The following TYW1 variants were observed in gnomAD, a reference collection of about 807,000 sequenced individuals.
The protein encoded by TYW1 is S-adenosyl-L-methionine-dependent tRNA 4-demethylwyosine synthase TYW1.
TYW1 carries 46 observed loss-of-function variants against 96.2 expected under a neutral mutation model. The ratio of observed to expected loss-of-function variants is 0.48; its 90% CI spans 0.38 to 0.61. TYW1 has a LOEUF of 0.61. Among genes scored for constraint, TYW1 ranks in the 20% least tolerant of loss-of-function variants. The probability of loss-of-function intolerance (pLI) is 0.00; values close to 1 mark genes in which losing one functional copy is unlikely to be tolerated. For synonymous variants in TYW1, 274 were observed against 323.0 expected, an observed-to-expected ratio of 0.85 and a Z score of 1.63; for missense variants, 684 against 909.6, an observed-to-expected ratio of 0.75 and a Z score of 3.19.
chr7:66,999,015 G>C (rs1043507525), intron 3 of TYW1, 61 bp downstream of exon 3: 2 of 1,578,058 alleles, frequency 1.3e-6, no homozygotes, highest in Non-Finnish European at 1.7e-6. Flanking sequence ...AATCCCTTTA[G>C]CAGTGAACTT....
intron 13 of TYW1, among the ~76,000 whole-genome samples, chr7:67,176,551 G>C (rs1799674958): frequency 6.6e-6 from 1 of 152,118 alleles, no homozygotes; most frequent in African/African-American, 2.4e-5. Flanking sequence ...TGATAATTTT[G>C]AGGATATGTT....
chr7:67,200,303 C>T (rs537643910), intron 15 of TYW1, among the ~76,000 whole-genome samples: 27 of 151,992 alleles, frequency 1.8e-4, no homozygotes, highest in African/African-American at 5.3e-4. Context: ...TGTATTTGTC[C>T]GCTTTCACGC....
Position 67,092,664 on chromosome 7 carries a change from C to G in TYW1, c.1385-5877C>G, listed in dbSNP as rs903527954. On this transcript the variant is annotated intron_variant, in intron 11 of 15. Coordinates refer to ENST00000359626, the MANE Select transcript of TYW1 (RefSeq NM_018264.4). ...GCTCTTTCTTTTCTTTTCCACGTGC[C>G]TATCACCTTCTTTTTTTTTTTTTTT... Among the ~76,000 whole-genome samples, 5 of 145,896 alleles carry G rather than the reference C, an allele frequency of 3.4e-5. No homozygotes were observed. In the Admixed American group the frequency reaches 3.5e-4, roughly 10 times the overall value.
chr7:67,115,328 A>G (rs1051829110), intron 12 of TYW1, among the ~76,000 whole-genome samples: 3 of 151,642 alleles, frequency 2.0e-5, no homozygotes, highest in Admixed American at 2.0e-4. Context: ...AGGGGTGATG[A>G]GACAGAATGC....
intron 13 of TYW1, among the ~76,000 whole-genome samples, chr7:67,154,623 A>C (rs1165749422): frequency 6.6e-6 from 1 of 152,014 alleles, no homozygotes; most frequent in Non-Finnish European, 1.5e-5. Context: ...ATTCTCTTTC[A>C]CTTTTGACAG....
chr7:67,024,893 C>T lies in TYW1; in HGVS notation c.862-7C>T, dbSNP rs761070663. On this transcript the variant is annotated splice_region_variant and splice_polypyrimidine_tract_variant and intron_variant, in intron 6 of 15. Coordinates refer to ENST00000359626, the MANE Select transcript of TYW1 (RefSeq NM_018264.4). ...AACAATGTATTTCTGAAGCATTTCTCTTCCAGGAGGAAGAACCCTTTGAGA... is the reference window on the plus strand; with the variant it reads ...AACAATGTATTTCTGAAGCATTTCTTTTCCAGGAGGAAGAACCCTTTGAGA... The T allele has an allele frequency of 1.5e-5, 25 of 1,613,394 alleles. No individual in the cohort carries two copies. The highest frequency in any genetic ancestry group is 1.9e-5 in the Non-Finnish European group (23 of 1,179,722).
rs1298863996 is a variant in TYW1, at chr7:67,050,057, A to G, written c.1093A>G (p.Thr365Ala). The G allele has an allele frequency of 1.9e-6, 3 of 1,613,054 alleles. No homozygotes were observed. Among genetic ancestry groups the G allele is most frequent in the Middle Eastern group, 1.7e-4 (1 of 6,042 alleles). ...MITPALREAL[T>A]KQGYQLIGSH... ...AACTCCTGCTCTCCGAGAAGCCCTT[A>G]CTAAACAAGGTGAAAATCTTCAAGA... The change falls in exon 8 of 16, where the codon ACT becomes GCT. Residue 365 changes from threonine to alanine, a missense_variant. Physicochemically the swap from Thr to Ala is moderately conservative, Grantham distance 58 (BLOSUM62 0). Transcript: ENST00000359626.
chr7:67,187,066 T>A (rs1323706683), intron 14 of TYW1, among the ~76,000 whole-genome samples: 1 of 80,722 alleles, frequency 1.2e-5, no homozygotes, highest in Non-Finnish European at 2.7e-5. Context: ...TTTTTTTTTT[T>A]TTTTTTTTTT....
intron 15 of TYW1, among the ~76,000 whole-genome samples, chr7:67,208,639 G>A (rs1472373869): frequency 1.4e-5 from 2 of 146,772 alleles, no homozygotes; most frequent in African/African-American, 5.1e-5. Flanking sequence ...GCAGTGAGCC[G>A]AGATCGCGCC....
At position 67,179,941 on chromosome 7, in the gene TYW1, G is replaced by A. The variant is rs1350450448; in HGVS notation, c.1699-3185G>A. ...GTGCGTTGGTGTGATCATGGCTCAC[G>A]GCAGCCTCCACCTCCCAAGCTCAAG... On this transcript the variant is annotated intron_variant, in intron 13 of 15. Transcript: ENST00000359626. Among the ~76,000 whole-genome samples the A allele has an allele frequency of 3.9e-5, 4 of 102,052 alleles. 2 individuals are homozygous for A. Among genetic ancestry groups the A allele is most frequent in the Non-Finnish European group, 8.3e-5 (4 of 48,214 alleles). The allele number at this position is 102,052 out of a possible 152,430, so 67.0% of individuals were successfully genotyped here. A position where few individuals can be genotyped will look rare whatever the true frequency, so the allele number is the denominator to read the frequency against.
intron 12 of TYW1, among the ~76,000 whole-genome samples, 171 bp downstream of exon 12, chr7:67,098,889 CACA>C (rs1797003968): frequency 6.6e-6 from 1 of 151,970 alleles, no homozygotes; most frequent in African/African-American, 2.4e-5. Context: ...TTCTATTAGG[CACA>C]ACAACATTAG....
At chr7:67,144,124 A>G (rs6943552) in intron 13 of TYW1, among the ~76,000 whole-genome samples, 39,298 of 151,834 alleles carry the variant, frequency 0.26, 5,519 homozygotes, top group African/African-American at 0.38. Context: ...CTAGGACTCC[A>G]AGGCCTAGAT....
chr7:67,133,426 C>T (rs997661361), intron 13 of TYW1, among the ~76,000 whole-genome samples: 6 of 152,034 alleles, frequency 3.9e-5, no homozygotes, highest in African/African-American at 9.7e-5. Context: ...TGTCCGGGCA[C>T]GGTGGCTTAC....
chr7:66,998,765 G>C, intron 2 of TYW1, 52 bp from the exon 3 acceptor site: 10 of 1,603,102 alleles, frequency 6.2e-6, no homozygotes, highest in Non-Finnish European at 8.5e-6. Flanking sequence ...CCCTGCTGAA[G>C]TTGGGAAACG....
chr7:67,148,644 G>C (rs536510572), intron 13 of TYW1, among the ~76,000 whole-genome samples: 2 of 151,932 alleles, frequency 1.3e-5, no homozygotes, highest in Non-Finnish European at 2.9e-5. Context: ...TGTTAGCCAG[G>C]ATGGTCTCGA....
intron 15 of TYW1, among the ~76,000 whole-genome samples, chr7:67,218,906 C>A (rs1801289928): frequency 6.6e-6 from 1 of 152,156 alleles, no homozygotes; most frequent in African/African-American, 2.4e-5. Context: ...CTTCTTCTTA[C>A]CTAATTGCTG....
intron 15 of TYW1, among the ~76,000 whole-genome samples, chr7:67,218,818 TTTCTACA>T (rs1212428721): frequency 1.3e-5 from 2 of 152,346 alleles, no homozygotes; most frequent in East Asian, 3.9e-4. Context: ...TCTTTATAAT[TTTCTACA>T]TATAACATCA....
chr7:67,210,153 G>A (rs898884245), intron 15 of TYW1, among the ~76,000 whole-genome samples: 18 of 152,236 alleles, frequency 1.2e-4, no homozygotes, highest in South Asian at 6.2e-4. Context: ...TCCTCTTGGC[G>A]TGGCAGTTCT....
chr7:67,013,739 C>CTT (rs931500833), intron 4 of TYW1, among the ~76,000 whole-genome samples: 5,426 of 97,532 alleles, frequency 0.056, 278 homozygotes, highest in East Asian at 0.23. Context: ...GCATTTTTTC[C>CTT]TTTTTTTTTT....
Sources: allele counts gnomAD v4.1 joint callset (sites outside exome capture counted in the v4.1 genomes callset), GRCh38; gene constraint gnomAD v4.1.1; transcripts MANE v1.5; gene names NCBI Gene and HGNC (gene_info 2026-07-23, HGNC 2026-07-21).